The following PEBP4 variants were observed in gnomAD, a reference collection of about 807,000 sequenced individuals.
The protein encoded by PEBP4 is phosphatidylethanolamine binding protein 4.
A neutral mutation model predicts 23.9 loss-of-function variants in PEBP4; 22 were observed. The observed-to-expected ratio is 0.92, with a 90% confidence interval of 0.66 to 1.31. PEBP4 has a LOEUF of 1.31. Ranked by LOEUF, PEBP4 falls within the 40% of genes most tolerant of loss-of-function variation. The pLI, the probability that PEBP4 is intolerant of heterozygous loss-of-function variation, is 0.00. For synonymous variants in PEBP4, 112 were observed against 99.3 expected (o/e 1.13, Z -0.76); for missense variants, 324 against 281.7 (o/e 1.15, Z -1.07).
At chr8:22,927,499 T>TCC in intron 2 of PEBP4, 85 bp downstream of exon 2, 1 of 1,458,788 alleles carries the variant, frequency 6.9e-7, no homozygotes, top group Non-Finnish European at 9.1e-7. Flanking sequence ...GAGATGGTGC[T>TCC]TCTTGGTTCT....
At chr8:22,788,872 T>TA (rs563279142) in intron 4 of PEBP4, among the ~76,000 whole-genome samples, 45 of 151,132 alleles carry the variant, frequency 3.0e-4, no homozygotes, top group African/African-American at 9.2e-4. Flanking sequence ...GGTGATAATA[T>TA]AAAAAAAAAG....
intron 4 of PEBP4, among the ~76,000 whole-genome samples, chr8:22,792,589 G>C (rs578194396): frequency 4.6e-5 from 7 of 152,154 alleles, no homozygotes; most frequent in African/African-American, 1.7e-4. Flanking sequence ...CCTACCTTCT[G>C]TGTGATTCAC....
intron 6 of PEBP4, among the ~76,000 whole-genome samples, chr8:22,722,269 G>A (rs906759921): frequency 5.3e-5 from 8 of 152,066 alleles, no homozygotes; most frequent in Admixed American, 3.9e-4. Flanking sequence ...CTAGGGCCCA[G>A]CCCTGCTCCA....
chr8:22,722,558 G>A (rs764494483), intron 6 of PEBP4, among the ~76,000 whole-genome samples: 1 of 152,218 alleles, frequency 6.6e-6, no homozygotes, highest in Non-Finnish European at 1.5e-5. Context: ...TGTCCTTACA[G>A]TTAGAATCAC....
chr8:22,816,862 T>A (rs1585289130), intron 4 of PEBP4, among the ~76,000 whole-genome samples: 1 of 152,124 alleles, frequency 6.6e-6, no homozygotes, highest in East Asian at 1.9e-4. Flanking sequence ...ACAAAAGGAT[T>A]CAATAATCAA....
At chr8:22,939,016 A>G (rs1432461393) in intron 1 of PEBP4, among the ~76,000 whole-genome samples, 1 of 152,212 alleles carries the variant, frequency 6.6e-6, no homozygotes, top group African/African-American at 2.4e-5. Flanking sequence ...TTTTGTTATC[A>G]ACTCTTTGTT....
At chr8:22,766,219 A>T (rs921874374) in intron 4 of PEBP4, among the ~76,000 whole-genome samples, 8 of 152,234 alleles carry the variant, frequency 5.3e-5, no homozygotes, top group African/African-American at 1.9e-4. Flanking sequence ...TGTGTGCTTC[A>T]GGGTCGGGTA....
chr8:22,845,896 C>T (rs1056055604), intron 3 of PEBP4, among the ~76,000 whole-genome samples: 1 of 152,226 alleles, frequency 6.6e-6, no homozygotes, highest in African/African-American at 2.4e-5. Flanking sequence ...AATGAATGCG[C>T]GAAATGACTG....
chr8:22,713,676 G>T (rs753848251), intron 6 of PEBP4, 140 bp from the exon 7 acceptor site: 8 of 1,212,020 alleles, frequency 6.6e-6, no homozygotes, highest in Non-Finnish European at 8.0e-6. Context: ...GTGGCTGGGG[G>T]AGCTTCCGGC....
chr8:22,769,632 TCTC>T, intron 4 of PEBP4, among the ~76,000 whole-genome samples: 1 of 152,208 alleles, frequency 6.6e-6, no homozygotes, highest in East Asian at 1.9e-4. Flanking sequence ...GAATGCCTCT[TCTC>T]TGTCATCTCC....
chr8:22,827,449 C>G (rs1006145993), intron 3 of PEBP4, among the ~76,000 whole-genome samples: 1 of 152,194 alleles, frequency 6.6e-6, no homozygotes, highest in African/African-American at 2.4e-5. Flanking sequence ...TCTGTAATCT[C>G]CTTTTTGCCC....
chr8:22,716,647 T>A (rs1471608205), intron 6 of PEBP4, among the ~76,000 whole-genome samples: 1 of 152,162 alleles, frequency 6.6e-6, no homozygotes, highest in Non-Finnish European at 1.5e-5. Flanking sequence ...TTGGGAGTGG[T>A]TTGTCACGTG....
intron 4 of PEBP4, among the ~76,000 whole-genome samples, chr8:22,793,190 C>G (rs987044398): frequency 1.3e-5 from 2 of 152,100 alleles, no homozygotes; most frequent in Non-Finnish European, 2.9e-5. Flanking sequence ...TTTGCTTTTT[C>G]TTTTCATGTA....
At chr8:22,785,168 C>G (rs1806003914) in intron 4 of PEBP4, among the ~76,000 whole-genome samples, 3 of 152,216 alleles carry the variant, frequency 2.0e-5, no homozygotes, top group Admixed American at 2.0e-4. Context: ...CCGGCAACTT[C>G]TCTCTGCATT....
intron 3 of PEBP4, among the ~76,000 whole-genome samples, chr8:22,825,400 C>T (rs1173851789): frequency 2.0e-5 from 3 of 152,218 alleles, no homozygotes; most frequent in Non-Finnish European, 4.4e-5. Context: ...GTGCCATCAA[C>T]ACTTCCAACA....
intron 4 of PEBP4, among the ~76,000 whole-genome samples, chr8:22,749,938 C>G (rs539153381): frequency 6.9e-4 from 105 of 151,502 alleles, no homozygotes; most frequent in Non-Finnish European, 2.9e-4. Context: ...TCCTAGGTAG[C>G]TGGGATTACA....
intron 3 of PEBP4, among the ~76,000 whole-genome samples, chr8:22,899,363 G>GAA: frequency 6.6e-6 from 1 of 152,338 alleles, no homozygotes; most frequent in South Asian, 2.1e-4. Flanking sequence ...AAGGCAGAGA[G>GAA]AATGGCTCTC....
chr8:22,763,792 TG>T (rs564617401), intron 4 of PEBP4, among the ~76,000 whole-genome samples: 1 of 152,340 alleles, frequency 6.6e-6, no homozygotes, highest in East Asian at 1.9e-4. Context: ...GTTGTAGTTC[TG>T]TCTGGGGCCC....
At chr8:22,758,566 G>C (rs1333422610) in intron 4 of PEBP4, among the ~76,000 whole-genome samples, 1 of 152,192 alleles carries the variant, frequency 6.6e-6, no homozygotes, top group African/African-American at 2.4e-5. Context: ...AGAAAAGCCC[G>C]CAGCCCAGTT....
Sources: allele counts gnomAD v4.1 joint callset (sites outside exome capture counted in the v4.1 genomes callset), GRCh38; gene constraint gnomAD v4.1.1; transcripts MANE v1.5; gene names NCBI Gene and HGNC (gene_info 2026-07-23, HGNC 2026-07-21).